The following PCDH15 variants were observed in gnomAD, a reference collection of about 807,000 sequenced individuals.
The protein encoded by PCDH15 is protocadherin related 15.
A neutral mutation model predicts 178.5 loss-of-function variants in PCDH15; 129 were observed. The ratio of observed to expected loss-of-function variants is 0.72; its 90% CI spans 0.63 to 0.84. The LOEUF (loss-of-function observed/expected upper bound fraction) is 0.84, where lower values mean the gene tolerates loss of function less well. PCDH15 is among the 40% of genes least tolerant of loss of function. PCDH15 has a pLI of 0.00. For synonymous variants in PCDH15, 800 were observed against 732.0 expected, an observed-to-expected ratio of 1.09 and a Z score of -1.50; for missense variants, 2,230 against 2,099.9, an observed-to-expected ratio of 1.06 and a Z score of -1.21.
chr10:53,949,961 C>G (rs200489901), intron 23 of PCDH15, among the ~76,000 whole-genome samples: 7 of 151,962 alleles, frequency 4.6e-5, no homozygotes, highest in African/African-American at 1.4e-4. Flanking sequence ...TAATTTTATT[C>G]TTTAATATAA....
At chr10:54,575,841 C>G (rs1292756039) in intron 2 of PCDH15, among the ~76,000 whole-genome samples, 3 of 152,156 alleles carry the variant, frequency 2.0e-5, no homozygotes, top group Non-Finnish European at 4.4e-5. Context: ...AGAAGGCTAG[C>G]CCTGAAGCAG....
chr10:54,949,918 A>G (rs1838293228), intron 2 of PCDH15, among the ~76,000 whole-genome samples: 1 of 152,014 alleles, frequency 6.6e-6, no homozygotes, highest in African/African-American at 2.4e-5. Context: ...CATCACTATC[A>G]GCATTTTGGT....
chr10:55,442,470 T>TATATATTATATATATATAATA (rs5785132), intron 2 of PCDH15, among the ~76,000 whole-genome samples: 6 of 124,694 alleles, frequency 4.8e-5, no homozygotes, highest in African/African-American at 6.4e-5. Context: ...TATATATATA[T>TATATATTATATATATATAATA]TATATATATA....
At chr10:54,685,841 T>G (rs7095782) in intron 1 of PCDH15, among the ~76,000 whole-genome samples, 77,511 of 151,362 alleles carry the variant, frequency 0.51, 20,600 homozygotes, top group Non-Finnish European at 0.6. Context: ...CTGATTGAAC[T>G]GCACTGAAGT....
At chr10:54,545,480 CA>C (rs66538674) in intron 2 of PCDH15, among the ~76,000 whole-genome samples, 7,513 of 151,720 alleles carry the variant, frequency 0.05, 625 homozygotes, top group African/African-American at 0.17. Flanking sequence ...ACTATTGGTT[CA>C]AGTAAGGAAT....
intron 2 of PCDH15, among the ~76,000 whole-genome samples, chr10:55,081,282 T>C (rs114570381): frequency 1.2e-4 from 18 of 152,216 alleles, no homozygotes; most frequent in African/African-American, 3.9e-4. Flanking sequence ...GTTTTGTTCT[T>C]TTTTTCTGGA....
intron 3 of PCDH15, among the ~76,000 whole-genome samples, chr10:54,880,635 T>C (rs1159841488): frequency 6.6e-6 from 1 of 151,678 alleles, no homozygotes; most frequent in South Asian, 2.1e-4. Flanking sequence ...AAATAATATA[T>C]TTTTAGTTGG....
At chr10:55,027,778 T>C (rs1840512237) in intron 2 of PCDH15, among the ~76,000 whole-genome samples, 2 of 151,884 alleles carry the variant, frequency 1.3e-5, no homozygotes, top group Admixed American at 1.3e-4. Flanking sequence ...ATTAAATTTG[T>C]CATTTACCAT....
chr10:54,078,910 A>C (rs888480932), intron 17 of PCDH15, among the ~76,000 whole-genome samples: 1 of 152,170 alleles, frequency 6.6e-6, no homozygotes, highest in Non-Finnish European at 1.5e-5. Flanking sequence ...TCACTTTCCT[A>C]AGTGCTTAAA....
intron 29 of PCDH15, 138 bp from the exon 30 acceptor site, chr10:53,831,671 GA>G: frequency 1.5e-6 from 1 of 651,984 alleles, no homozygotes; most frequent in South Asian, 1.9e-5. Context: ...TGAATAATAA[GA>G]AAAGCATATA....
intron 2 of PCDH15, among the ~76,000 whole-genome samples, chr10:55,064,390 A>G (rs1841510699): frequency 6.6e-6 from 1 of 152,124 alleles, no homozygotes; most frequent in African/African-American, 2.4e-5. Flanking sequence ...CTTTCCTTTC[A>G]GCCATGGTAG....
chr10:54,062,757 T>G (rs565412017), intron 18 of PCDH15, among the ~76,000 whole-genome samples: 1 of 141,156 alleles, frequency 7.1e-6, no homozygotes, highest in Non-Finnish European at 1.5e-5. Context: ...GAACAAAGAA[T>G]CACTAGGAAA....
intron 1 of PCDH15, among the ~76,000 whole-genome samples, chr10:54,764,589 T>C (rs1566169894): frequency 6.6e-6 from 1 of 152,154 alleles, no homozygotes; most frequent in South Asian, 2.1e-4. Flanking sequence ...ATTAGAGAAC[T>C]ATTAAGCTGA....
At chr10:55,399,838 T>C (rs1201628355) in intron 2 of PCDH15, among the ~76,000 whole-genome samples, 2 of 152,156 alleles carry the variant, frequency 1.3e-5, no homozygotes, top group Non-Finnish European at 2.9e-5. Flanking sequence ...TTTGGTTTTA[T>C]GTAATATAAA....
intron 2 of PCDH15, among the ~76,000 whole-genome samples, chr10:55,600,371 A>G (rs956621938): frequency 6.6e-6 from 1 of 151,870 alleles, no homozygotes; most frequent in Non-Finnish European, 1.5e-5. Context: ...CTTAAAAAAA[A>G]AAAAAATTGG....
At chr10:54,835,718 T>C (rs1953304847) in intron 3 of PCDH15, among the ~76,000 whole-genome samples, 1 of 152,114 alleles carries the variant, frequency 6.6e-6, no homozygotes, top group South Asian at 2.1e-4. Context: ...TATTACAGCA[T>C]TCAGAGGAAA....
chr10:54,746,455 C>G (rs908589312), intron 1 of PCDH15, among the ~76,000 whole-genome samples: 2 of 151,830 alleles, frequency 1.3e-5, no homozygotes, highest in African/African-American at 4.8e-5. Flanking sequence ...TTAAAATAAC[C>G]AAAAGAGTAT....
At chr10:54,560,035 T>A (rs2087892916) in intron 2 of PCDH15, among the ~76,000 whole-genome samples, 1 of 152,034 alleles carries the variant, frequency 6.6e-6, no homozygotes, top group Non-Finnish European at 1.5e-5. Flanking sequence ...CTCAATTTGT[T>A]GTCTTTAAAG....
chr10:54,376,241 A>C (rs1245731921), intron 4 of PCDH15, among the ~76,000 whole-genome samples: 4 of 151,946 alleles, frequency 2.6e-5, no homozygotes, highest in African/African-American at 9.7e-5. Context: ...AACAACCAAA[A>C]AACTTTGGGC....
Sources: gnomAD v4.1 joint callset for allele counts (sites outside exome capture counted in the v4.1 genomes callset) on GRCh38, gnomAD v4.1.1 for gene constraint, MANE v1.5 for transcripts, NCBI Gene and HGNC (gene_info 2026-07-23, HGNC 2026-07-21) for gene names.